Variants in NSMCE2 observed in about 807,000 individuals in gnomAD.
NSMCE2 encodes the protein NSE2 SUMO ligase component of SMC5/6 complex.
NSMCE2 carries 24 observed loss-of-function variants against 23.8 expected under a neutral mutation model. The ratio of observed to expected loss-of-function variants is 1.01; its 90% CI spans 0.73 to 1.42. The LOEUF is 1.42. Ranked by LOEUF, NSMCE2 falls within the 40% of genes most tolerant of loss-of-function variation. The probability of loss-of-function intolerance (pLI) is 0.00; values close to 1 mark genes in which losing one functional copy is unlikely to be tolerated. For missense variants in NSMCE2, 284 were observed against 296.5 expected, an observed-to-expected ratio of 0.96 and a Z score of 0.31; for synonymous variants, 92 against 94.1, an observed-to-expected ratio of 0.98 and a Z score of 0.13.
At chr8:125,321,890 T>C (rs1207303033) in intron 5 of NSMCE2, among the ~76,000 whole-genome samples, 1 of 152,208 alleles carries the variant, frequency 6.6e-6, no homozygotes, top group Non-Finnish European at 1.5e-5. Flanking sequence ...GCCATCCTAA[T>C]AGGTGTGTAG....
chr8:125,267,454 A>G (rs921326438), intron 5 of NSMCE2, among the ~76,000 whole-genome samples: 1 of 152,244 alleles, frequency 6.6e-6, no homozygotes, highest in Non-Finnish European at 1.5e-5. Flanking sequence ...CTAGACAGTC[A>G]GGACCAAACT....
At chr8:125,108,744 G>T (rs1161113390) in intron 3 of NSMCE2, among the ~76,000 whole-genome samples, 3 of 152,202 alleles carry the variant, frequency 2.0e-5, no homozygotes, top group Non-Finnish European at 4.4e-5. Context: ...GTCTGTGTAA[G>T]ACTGAGTCCA....
chr8:125,173,459 T>C (rs1396005463), intron 4 of NSMCE2, among the ~76,000 whole-genome samples: 1 of 152,210 alleles, frequency 6.6e-6, no homozygotes, highest in African/African-American at 2.4e-5. Flanking sequence ...CCCTATCTAA[T>C]TTTATTTGGA....
intron 5 of NSMCE2, among the ~76,000 whole-genome samples, chr8:125,313,729 G>T (rs1365542219): frequency 6.6e-6 from 1 of 152,106 alleles, no homozygotes; most frequent in East Asian, 1.9e-4. Flanking sequence ...CTCTTCCGTG[G>T]ACAAAGTGTG....
At chr8:125,288,544 AT>A (rs1827985656) in intron 5 of NSMCE2, among the ~76,000 whole-genome samples, 1 of 152,024 alleles carries the variant, frequency 6.6e-6, no homozygotes, top group Non-Finnish European at 1.5e-5. Flanking sequence ...GCCTCTCTCT[AT>A]GTCCTGGTCC....
At chr8:125,269,397 T>C (rs1439916471) in intron 5 of NSMCE2, among the ~76,000 whole-genome samples, 1 of 152,214 alleles carries the variant, frequency 6.6e-6, no homozygotes, top group Non-Finnish European at 1.5e-5. Flanking sequence ...ACTCTTTAAC[T>C]GAGTAAAAGA....
intron 5 of NSMCE2, among the ~76,000 whole-genome samples, chr8:125,218,203 T>G (rs1264129031): frequency 6.6e-6 from 1 of 152,188 alleles, no homozygotes; most frequent in East Asian, 1.9e-4. Context: ...GAAAGCAGAC[T>G]GATATTTTTT....
chr8:125,181,295 T>G (rs1477218535), intron 4 of NSMCE2, among the ~76,000 whole-genome samples: 1 of 152,090 alleles, frequency 6.6e-6, no homozygotes, highest in African/African-American at 2.4e-5. Context: ...GTGAAGAGCC[T>G]GTGTAAAGGT....
At chr8:125,212,348 A>G (rs1214821105) in intron 5 of NSMCE2, among the ~76,000 whole-genome samples, 2 of 152,150 alleles carry the variant, frequency 1.3e-5, no homozygotes, top group Non-Finnish European at 2.9e-5. Flanking sequence ...ATCTCAAAAA[A>G]GATGCCATTC....
At chr8:125,272,556 A>G (rs1344246678) in intron 5 of NSMCE2, among the ~76,000 whole-genome samples, 1 of 151,662 alleles carries the variant, frequency 6.6e-6, no homozygotes, top group Non-Finnish European at 1.5e-5. Context: ...GTGCTATGAC[A>G]TCATTTCCGC....
chr8:125,187,267 C>T (rs891638595), intron 5 of NSMCE2, among the ~76,000 whole-genome samples: 2 of 152,202 alleles, frequency 1.3e-5, no homozygotes, highest in African/African-American at 2.4e-5. Flanking sequence ...ATAACTTCTA[C>T]ACTTCTAGAC....
chr8:125,330,136 C>G (rs974203512), intron 5 of NSMCE2, among the ~76,000 whole-genome samples: 1 of 151,464 alleles, frequency 6.6e-6, no homozygotes, highest in Non-Finnish European at 1.5e-5. Context: ...AACAAGTCTG[C>G]CTTCTTGTTA....
At chr8:125,355,754 C>A (rs1586814016) in intron 5 of NSMCE2, among the ~76,000 whole-genome samples, 1 of 134,120 alleles carries the variant, frequency 7.5e-6, no homozygotes, top group Non-Finnish European at 1.6e-5. Context: ...TGCAAAATTA[C>A]AAGTATCTTT....
intron 5 of NSMCE2, among the ~76,000 whole-genome samples, chr8:125,344,513 G>A (rs1291217742): frequency 6.6e-6 from 1 of 152,134 alleles, no homozygotes; most frequent in Non-Finnish European, 1.5e-5. Flanking sequence ...GGAGGCCGAG[G>A]TGGGCAATCA....
At chr8:125,098,634 A>C (rs1818046183) in intron 1 of NSMCE2, among the ~76,000 whole-genome samples, 1 of 152,076 alleles carries the variant, frequency 6.6e-6, no homozygotes, top group African/African-American at 2.4e-5. Flanking sequence ...TTCTGGAGAT[A>C]GTTTGACTAC....
chr8:125,361,362 CT>C (rs1328234805), intron 7 of NSMCE2, among the ~76,000 whole-genome samples: 3 of 151,806 alleles, frequency 2.0e-5, no homozygotes, highest in Non-Finnish European at 4.4e-5. Context: ...TATTTCTAAC[CT>C]GACCACAGTC....
intron 3 of NSMCE2, among the ~76,000 whole-genome samples, chr8:125,148,256 T>C (rs1442591597): frequency 2.0e-5 from 3 of 152,246 alleles, no homozygotes; most frequent in African/African-American, 7.2e-5. Flanking sequence ...CCATCAAAAC[T>C]GACCCAAGCC....
rs559760271 is a variant in NSMCE2, at chr8:125,338,950, C to A, written c.419-18269C>A. Reference sequence around the variant, plus strand: ...AAATTCACGCTCTGCCCTAGATTTACAGTTGACATGAAGGTCAAGGATGAG... The same window carrying A: ...AAATTCACGCTCTGCCCTAGATTTAAAGTTGACATGAAGGTCAAGGATGAG... On this transcript the variant is annotated intron_variant, in intron 5 of 7. Transcript: ENST00000287437. Among the ~76,000 whole-genome samples the A allele has an allele frequency of 3.9e-5, 6 of 152,314 alleles. No homozygotes were observed. In the East Asian group the frequency reaches 9.6e-4, roughly 24 times the overall value.
chr8:125,200,812 A>G (rs535617859), intron 5 of NSMCE2, among the ~76,000 whole-genome samples: 1 of 152,324 alleles, frequency 6.6e-6, no homozygotes, highest in African/African-American at 2.4e-5. Context: ...AGCTACACCA[A>G]TCAAACGTAG....
Sources: gnomAD v4.1 joint callset for allele counts (sites outside exome capture counted in the v4.1 genomes callset) on GRCh38, gnomAD v4.1.1 for gene constraint, MANE v1.5 for transcripts, NCBI Gene and HGNC (gene_info 2026-07-23, HGNC 2026-07-21) for gene names.